ZBTB7C: variants seen among roughly 807,000 people sequenced by gnomAD.
ZBTB7C encodes zinc finger and BTB domain-containing protein 7C.
Under a neutral mutation model 25.7 loss-of-function variants are expected in ZBTB7C, and 8 were observed. The observed-to-expected ratio is 0.31, with a 90% CI of 0.18 to 0.56. ZBTB7C has a LOEUF of 0.56. Among genes scored for constraint, ZBTB7C ranks in the 20% least tolerant of loss-of-function variants. The pLI is 0.91. For missense variants in ZBTB7C, 824 were observed against 855.2 expected (o/e 0.96, Z 0.46); for synonymous variants, 394 against 369.0 (o/e 1.07, Z -0.78).
chr18:48,218,989 G>T (rs2042889724), intron 2 of ZBTB7C, among the ~76,000 whole-genome samples: 1 of 152,072 alleles, frequency 6.6e-6, no homozygotes, highest in Admixed American at 6.5e-5. Context: ...CACCCCATTT[G>T]TATGTGTTCA....
intron 3 of ZBTB7C, among the ~76,000 whole-genome samples, chr18:48,134,234 T>G (rs1393286581): frequency 1.3e-5 from 2 of 152,094 alleles, no homozygotes; most frequent in South Asian, 2.1e-4. Flanking sequence ...TCAGTTCACC[T>G]TCCTCACAAA....
intron 2 of ZBTB7C, among the ~76,000 whole-genome samples, chr18:48,297,927 T>C (rs4940350): frequency 1 from 151,936 of 152,268 alleles, 75,804 homozygotes; most frequent in Middle Eastern, 1. Flanking sequence ...ATGGTAGTTA[T>C]GAAATGCAAA....
At chr18:48,179,492 C>T (rs1221625288) in intron 3 of ZBTB7C, among the ~76,000 whole-genome samples, 1 of 151,910 alleles carries the variant, frequency 6.6e-6, no homozygotes, top group African/African-American at 2.4e-5. Flanking sequence ...CTGGTGGGAT[C>T]AGACAGGTGG....
chr18:48,130,246 C>T (rs1273604094), intron 3 of ZBTB7C, among the ~76,000 whole-genome samples: 1 of 152,174 alleles, frequency 6.6e-6, no homozygotes, highest in Admixed American at 6.5e-5. Flanking sequence ...GCTTTAGTCA[C>T]TTTGTCATTT....
chr18:48,201,942 G>C (rs8097111), intron 2 of ZBTB7C, among the ~76,000 whole-genome samples: 52,718 of 152,112 alleles, frequency 0.35, 9,417 homozygotes, highest in East Asian at 0.44. Flanking sequence ...GTGGCTGCAC[G>C]AAGCTCCCTT....
At chr18:48,400,121 A>C (rs573341118) in intron 1 of ZBTB7C, among the ~76,000 whole-genome samples, 1 of 152,318 alleles carries the variant, frequency 6.6e-6, no homozygotes, top group Non-Finnish European at 1.5e-5. Context: ...CCCCTGCCCC[A>C]TCTCCAAAAC....
chr18:48,234,232 G>A (rs1481854737), intron 2 of ZBTB7C, among the ~76,000 whole-genome samples: 1 of 151,632 alleles, frequency 6.6e-6, no homozygotes, highest in Non-Finnish European at 1.5e-5. Flanking sequence ...TTTACAATGC[G>A]TTATTATATA....
intron 2 of ZBTB7C, among the ~76,000 whole-genome samples, chr18:48,220,904 C>T (rs181080015): frequency 1.9e-4 from 29 of 151,856 alleles, no homozygotes; most frequent in Admixed American, 3.9e-4. Context: ...TATATAGTAT[C>T]CCTCTATACT....
intron 1 of ZBTB7C, among the ~76,000 whole-genome samples, chr18:48,393,885 T>C (rs1320968284): frequency 6.6e-6 from 1 of 152,150 alleles, no homozygotes; most frequent in East Asian, 1.9e-4. Context: ...GTGCCTAATC[T>C]TCAAGGTGCC....
intron 2 of ZBTB7C, among the ~76,000 whole-genome samples, chr18:48,325,495 G>T (rs1398712088): frequency 6.6e-6 from 1 of 152,166 alleles, no homozygotes; most frequent in Non-Finnish European, 1.5e-5. Context: ...TCACAAATCT[G>T]CAGCCAAATG....
intron 3 of ZBTB7C, among the ~76,000 whole-genome samples, chr18:48,101,785 C>G (rs2038839900): frequency 6.6e-6 from 1 of 152,176 alleles, no homozygotes; most frequent in African/African-American, 2.4e-5. Context: ...ACCATCTGGT[C>G]TCTCATTCAT....
At chr18:48,245,367 A>T (rs2043655644) in intron 2 of ZBTB7C, among the ~76,000 whole-genome samples, 1 of 151,624 alleles carries the variant, frequency 6.6e-6, no homozygotes, top group Non-Finnish European at 1.5e-5. Flanking sequence ...CATTGGGTAC[A>T]GTGTACACTG....
intron 1 of ZBTB7C, among the ~76,000 whole-genome samples, chr18:48,380,968 T>C (rs371375295): frequency 2.6e-5 from 4 of 152,184 alleles, no homozygotes; most frequent in African/African-American, 9.7e-5. Flanking sequence ...AAGCAGGACA[T>C]GTACAGAGAA....
chr18:48,255,633 T>C (rs2044000052), intron 2 of ZBTB7C, among the ~76,000 whole-genome samples: 1 of 152,170 alleles, frequency 6.6e-6, no homozygotes, highest in Non-Finnish European at 1.5e-5. Context: ...ACAAGAAAAG[T>C]AACTTTGAAA....
At chr18:48,347,275 C>T (rs1366756851) in intron 1 of ZBTB7C, among the ~76,000 whole-genome samples, 1 of 133,766 alleles carries the variant, frequency 7.5e-6, no homozygotes, top group East Asian at 2.0e-4. Context: ...CCTCAAGCTC[C>T]TGACCTCAAG....
At chr18:48,142,792 C>T (rs1266350497) in intron 3 of ZBTB7C, among the ~76,000 whole-genome samples, 2 of 146,246 alleles carry the variant, frequency 1.4e-5, no homozygotes, top group East Asian at 3.9e-4. Context: ...CTCTTGTCTT[C>T]CTTCCTCCCT....
chr18:48,075,814 G>A (rs1035904977), intron 3 of ZBTB7C, among the ~76,000 whole-genome samples: 3 of 152,178 alleles, frequency 2.0e-5, no homozygotes, highest in South Asian at 2.1e-4. Context: ...TGCTCTGTCC[G>A]CTAATCTCCC....
chr18:48,033,603 CAG>C (rs1854364043), intron 4 of ZBTB7C, among the ~76,000 whole-genome samples: 5 of 152,310 alleles, frequency 3.3e-5, no homozygotes, highest in Admixed American at 2.6e-4. Context: ...GAAAAAACTT[CAG>C]AGGATCATCT....
Position 48,076,814 on chromosome 18 carries a change from T to A in ZBTB7C, c.-16-35691A>T, listed in dbSNP as rs377447674. 343 of 455,160 alleles carry A rather than the reference T, an allele frequency of 7.5e-4. 8 individuals carry two copies. The South Asian group carries it at 0.028, about 37-fold the overall frequency. 28.2% of individuals were successfully genotyped at this position (455,160 alleles called of 1,614,324 possible). On this transcript the variant is annotated intron_variant, in intron 3 of 4. Coordinates refer to ENST00000590800, the MANE Select transcript of ZBTB7C (RefSeq NM_001318841.2). ...CCAGGGGTCCCAAAATGCACTGCTCTGCTGAGAACCCATGGGATTGCAGGA... is the reference window on the plus strand; with the variant it reads ...CCAGGGGTCCCAAAATGCACTGCTCAGCTGAGAACCCATGGGATTGCAGGA...
Sources: gnomAD v4.1 joint callset for allele counts (sites outside exome capture counted in the v4.1 genomes callset) on GRCh38, gnomAD v4.1.1 for gene constraint, MANE v1.5 for transcripts, NCBI Gene and HGNC (gene_info 2026-07-23, HGNC 2026-07-21) for gene names.